FGD5: variants seen among roughly 807,000 people sequenced by gnomAD.
The protein encoded by FGD5 is FYVE, RhoGEF and PH domain containing 5, also known as FYVE, RhoGEF and PH domain-containing protein 5.
In FGD5, 28 loss-of-function variants were observed where a neutral mutation model predicts 133.4. That is an observed-to-expected ratio of 0.21 (90% CI 0.16 to 0.29). FGD5 has a LOEUF of 0.29. FGD5 is among the 10% of genes least tolerant of loss of function. The probability of loss-of-function intolerance (pLI) is 1.00; values close to 1 mark genes in which losing one functional copy is unlikely to be tolerated. For synonymous variants in FGD5, 810 were observed against 776.5 expected (o/e 1.04, Z -0.72); for missense variants, 1,858 against 1,895.2 (o/e 0.98, Z 0.36).
chr3:14,916,325 C>T (rs972576133), intron 11 of FGD5, among the ~76,000 whole-genome samples: 2 of 152,206 alleles, frequency 1.3e-5, no homozygotes, highest in African/African-American at 4.8e-5. Context: ...CATCTTCTCA[C>T]ACCTGAAACC....
chr3:14,862,383 G>A (rs1164171579), intron 1 of FGD5, among the ~76,000 whole-genome samples: 2 of 152,208 alleles, frequency 1.3e-5, no homozygotes, highest in East Asian at 3.9e-4. Context: ...AGTCCATGCA[G>A]TCACTTTACT....
intron 18 of FGD5, chr3:14,931,933 T>C (rs1340836989): frequency 6.6e-6 from 1 of 152,198 alleles, no homozygotes; most frequent in Non-Finnish European, 1.5e-5. Flanking sequence ...TCTTGGGCAA[T>C]TAACCTTTTT....
At chr3:14,828,853 A>G (rs374440296) in intron 1 of FGD5, among the ~76,000 whole-genome samples, 46 of 133,944 alleles carry the variant, frequency 3.4e-4, no homozygotes, top group African/African-American at 1.3e-3. Flanking sequence ...ATGGAGCCTC[A>G]TTCTGTTGCC....
chr3:14,919,044 T>A (rs1010705849), intron 13 of FGD5, among the ~76,000 whole-genome samples: 2 of 152,170 alleles, frequency 1.3e-5, no homozygotes, highest in Admixed American at 6.5e-5. Flanking sequence ...ATGTACACAC[T>A]CATAAAATTT....
intron 4 of FGD5, 110 bp downstream of exon 4, chr3:14,880,882 T>C (rs2037812141): frequency 7.1e-7 from 1 of 1,399,462 alleles, no homozygotes. Context: ...AACAGAGGCC[T>C]GGCAGCAGGC....
At position 14,819,282 on chromosome 3, in the gene FGD5, G is replaced by T; in HGVS notation, c.211G>T (p.Val71Phe). 8 of 1,531,512 alleles carry T rather than the reference G, an allele frequency of 5.2e-6. No individual in the cohort carries two copies. The highest frequency in any genetic ancestry group is 7.0e-6 in the Non-Finnish European group (8 of 1,136,606). The allele number at this position is 1,531,512 out of a possible 1,614,324, so 94.9% of individuals were successfully genotyped here. ...TDEDYIVVPR[V>F]PLREDEPKDE... is the part of the protein sequence containing the mutation. The stretch of plus-strand genomic sequence containing the variant: ...CGAGGATTACATCGTGGTCCCCAGG[G>T]TTCCGCTGAGGGAGGATGAACCCAA... The change falls in exon 1 of 20, where the codon GTT becomes TTT. Residue 71 changes from valine (V) to phenylalanine (F), a missense_variant. By Grantham distance (50) the Val-to-Phe change is conservative (BLOSUM62 -1). Coordinates refer to ENST00000285046, the MANE Select transcript of FGD5 (RefSeq NM_152536.4). The surrounding 1 kb of genome is among the most constrained non-coding windows in gnomAD (Gnocchi z 4.1).
At position 14,917,159 on chromosome 3, in the gene FGD5, G is replaced by A. The variant is rs2038572941; in HGVS notation, c.3406-90G>A. The A allele has an allele frequency of 4.2e-6, 5 of 1,193,880 alleles. No homozygotes were observed. Among genetic ancestry groups the A allele is most frequent in the African/African-American group, 1.5e-5 (1 of 65,406 alleles). The allele number at this position is 1,193,880 out of a possible 1,614,324, so 74.0% of individuals were successfully genotyped here. A position where few individuals can be genotyped will look rare whatever the true frequency, so the allele number is the denominator to read the frequency against. On this transcript the variant is annotated intron_variant, in intron 11 of 19. Coordinates refer to ENST00000285046, the MANE Select transcript of FGD5 (RefSeq NM_152536.4). This position sits in a 1 kb window ranked among gnomAD's most constrained non-coding sequence, Gnocchi z 4.1. ...TTACTGAGGAATACAAGATGCCTGT[G>A]CACAGCGGAGCTCAGGGATCCTTTG...
upstream of FGD5, among the ~76,000 whole-genome samples, chr3:14,818,621 A>G (rs2036417450): frequency 6.6e-6 from 1 of 152,170 alleles, no homozygotes; most frequent in African/African-American, 2.4e-5. Context: ...TGGGTCATAG[A>G]AAGTGTTTAT....
At chr3:14,848,515 C>G (rs1466086327) in intron 1 of FGD5, among the ~76,000 whole-genome samples, 2 of 152,128 alleles carry the variant, frequency 1.3e-5, no homozygotes, top group Non-Finnish European at 2.9e-5. Flanking sequence ...CCAGGCCAGC[C>G]CCATGCAGCC....
chr3:14,907,655 C>G lies in FGD5; in HGVS notation c.3280C>G (p.Leu1094Val). ...SMEQGENLQK[L>V]VHIEHSVRGQ... is the part of the protein sequence containing the mutation. ...CCACCCACAGGAAAACCTGCAGAAG[C>G]TGGTCCACATTGAGCACAGCGTCCG... is the stretch of plus-strand genomic sequence containing the variant. Residue 1094 changes from leucine to valine, a missense_variant, in exon 10 of 20, where the codon CTG (leucine) becomes GTG (valine). This residue lies in a region of FGD5 where 1,824 missense variants were observed against 1,848.9 expected (regional missense o/e 0.99). Coordinates refer to ENST00000285046, the MANE Select transcript of FGD5 (RefSeq NM_152536.4). The G allele has an allele frequency of 1.2e-6, 2 of 1,613,602 alleles. No homozygotes were observed. Among genetic ancestry groups the G allele is most frequent in the Non-Finnish European group, 1.7e-6 (2 of 1,179,622 alleles).
rs1446028383 is a variant in FGD5, at chr3:14,917,362, T to A, written c.3489+30T>A. On this transcript the variant is annotated intron_variant, in intron 12 of 19. Coordinates refer to ENST00000285046, the MANE Select transcript of FGD5 (RefSeq NM_152536.4). The surrounding 1 kb of genome is among the most constrained non-coding windows in gnomAD (Gnocchi z 4.1). ...ATATCTGGTGCCAGGTACCCCCGGG[T>A]TGGGGGACAGGGAGACCCCAGGGGA... is the stretch of plus-strand genomic sequence containing the variant. 6.3e-7 allele frequency: 1 copy of A among 1,596,560 alleles called. No individual in the cohort carries two copies. The highest frequency in any genetic ancestry group is 8.5e-7 in the Non-Finnish European group (1 of 1,170,324).
intron 10 of FGD5, among the ~76,000 whole-genome samples, chr3:14,908,683 G>A (rs1431835946): frequency 2.6e-5 from 4 of 151,874 alleles, no homozygotes; most frequent in African/African-American, 4.8e-5. Context: ...TCAGGAGTTC[G>A]AGATCAGTCT....
At position 14,922,694 on chromosome 3, in the gene FGD5, A is replaced by T. The variant is rs1673893743; in HGVS notation, c.3807+146A>T. 8.6e-7 allele frequency: 1 copy of T among 1,160,354 alleles called. No individual in the cohort carries two copies. The highest frequency in any genetic ancestry group is 1.2e-6 in the Non-Finnish European group (1 of 837,548). 71.9% of individuals were successfully genotyped at this position (1,160,354 alleles called of 1,614,324 possible). A position where few individuals can be genotyped will look rare whatever the true frequency, so the allele number is the denominator to read the frequency against. On this transcript the variant is annotated intron_variant, in intron 15 of 19. Transcript: ENST00000285046. This position sits in a 1 kb window ranked among gnomAD's most constrained non-coding sequence, Gnocchi z 4.1. ...GTTCACACCAACCCGAGAGGAACAG[A>T]TTGCTAATTCCCATTTTATAGATCA...
At chr3:14,884,727 G>A (rs1319106529) in intron 4 of FGD5, among the ~76,000 whole-genome samples, 1 of 152,184 alleles carries the variant, frequency 6.6e-6, no homozygotes. Context: ...AAGACCGGGG[G>A]TGACCTGATG....
intron 4 of FGD5, among the ~76,000 whole-genome samples, chr3:14,885,191 A>G (rs1247778240): frequency 6.6e-6 from 1 of 151,746 alleles, no homozygotes; most frequent in African/African-American, 2.4e-5. Context: ...ATAGTAGACA[A>G]AAGAGTATAT....
At chr3:14,895,927 T>A (rs2038128048) in intron 4 of FGD5, among the ~76,000 whole-genome samples, 1 of 151,646 alleles carries the variant, frequency 6.6e-6, no homozygotes, top group Non-Finnish European at 1.5e-5. Flanking sequence ...ATAAACAAAT[T>A]CAGCAAAGTT....
At chr3:14,919,236 A>G (rs1172646592) in intron 13 of FGD5, among the ~76,000 whole-genome samples, 1 of 152,208 alleles carries the variant, frequency 6.6e-6, no homozygotes, top group Non-Finnish European at 1.5e-5. Flanking sequence ...GTTCCTGTCT[A>G]GAAGATGAGA....
rs759119645 is a variant in FGD5 at position 14,898,726 on chromosome 3, G to A, written c.3067-13G>A. ...TTTCTGATAAGGTTTTTCCTTCCCT[G>A]TCTTGAGAGCAGCAGAGTGTACAAG... On this transcript the variant is annotated splice_polypyrimidine_tract_variant and intron_variant, in intron 6 of 19. Coordinates refer to ENST00000285046, the MANE Select transcript of FGD5 (RefSeq NM_152536.4). 3 of 1,571,024 alleles carry A rather than the reference G, an allele frequency of 1.9e-6. No homozygotes were observed. The Admixed American group carries it at 5.6e-5, about 29-fold the overall frequency.
chr3:14,897,884 C>A, intron 5 of FGD5, 55 bp from the exon 6 acceptor site: 1 of 1,606,206 alleles, frequency 6.2e-7, no homozygotes, highest in Admixed American at 1.7e-5. Context: ...GCTTCTAACC[C>A]TGCGTTGGTT....
Sources: allele counts gnomAD v4.1 joint callset (sites outside exome capture counted in the v4.1 genomes callset), GRCh38; gene constraint gnomAD v4.1.1; regional missense constraint gnomAD v4.1.1; non-coding constraint Gnocchi (gnomAD v3.1); transcripts MANE v1.5; gene names NCBI Gene and HGNC (gene_info 2026-07-23, HGNC 2026-07-21).